Variants in BBS2 observed in about 807,000 individuals in gnomAD.
BBS2 encodes the protein BBSome complex member BBS2.
A neutral mutation model predicts 83.0 loss-of-function variants in BBS2; 62 were observed. That is an observed-to-expected ratio of 0.75 (90% CI 0.61 to 0.92). BBS2 has a LOEUF of 0.92. BBS2 is among the 40% of genes least tolerant of loss of function. The pLI, the probability that BBS2 is intolerant of heterozygous loss-of-function variation, is 0.00. For synonymous variants in BBS2, 303 were observed against 326.1 expected (o/e 0.93, Z 0.76); for missense variants, 784 against 901.0 (o/e 0.87, Z 1.66).
chr16:56,495,623 A>T (rs1964093765), intron 15 of BBS2, among the ~76,000 whole-genome samples: 1 of 152,240 alleles, frequency 6.6e-6, no homozygotes, highest in Admixed American at 6.5e-5. Context: ...GATTTGAGCA[A>T]GCCAACTTAA....
chr16:56,511,019 G>A, intron 3 of BBS2, 98 bp from the exon 4 acceptor site: 1 of 1,557,556 alleles, frequency 6.4e-7, no homozygotes, highest in South Asian at 1.1e-5. Flanking sequence ...AAACACGAAT[G>A]AATGCTATTC....
chr16:56,491,725 C>CAAAAAAA (rs773397021), intron 15 of BBS2, among the ~76,000 whole-genome samples: 34 of 43,140 alleles, frequency 7.9e-4, no homozygotes, highest in East Asian at 2.1e-3. Flanking sequence ...AACTCAACAG[C>CAAAAAAA]AAAAAAAAAA....
intron 7 of BBS2, among the ~76,000 whole-genome samples, chr16:56,503,737 G>A (rs1964345658): frequency 1.3e-5 from 2 of 152,158 alleles, no homozygotes; most frequent in African/African-American, 4.8e-5. Flanking sequence ...GGCTAACATG[G>A]TGAAACCCTG....
intron 12 of BBS2, 144 bp downstream of exon 12, chr16:56,499,634 A>G: frequency 8.7e-7 from 1 of 1,148,410 alleles, no homozygotes; most frequent in South Asian, 1.3e-5. Flanking sequence ...ACAGGTTACA[A>G]GCCACCCCCA....
chr16:56,483,542 T>G (rs1424363380), downstream of BBS2, among the ~76,000 whole-genome samples: 1 of 152,150 alleles, frequency 6.6e-6, no homozygotes, highest in African/African-American at 2.4e-5. Context: ...CCTTACATAA[T>G]AAATGAAAAA....
chr16:56,501,837 G>A, intron 9 of BBS2: 1 of 374,022 alleles, frequency 2.7e-6, no homozygotes, highest in Non-Finnish European at 5.0e-6. Flanking sequence ...ACAAATTAAA[G>A]GAATATTTCA....
At chr16:56,501,107 G>C in intron 10 of BBS2, 82 bp from the exon 11 acceptor site, 1 of 1,495,124 alleles carries the variant, frequency 6.7e-7, no homozygotes, top group Non-Finnish European at 9.3e-7. Context: ...TCAGGAGGTC[G>C]AGACCATCTT....
At chr16:56,476,381 C>T (rs1239677011) in intron 17 of BBS2, 9 of 446,424 alleles carry the variant, frequency 2.0e-5, no homozygotes, top group Non-Finnish European at 3.4e-5. Context: ...CTTGAGCTTG[C>T]AGCTAAGTAC....
At position 56,503,488 on chromosome 16, in the gene BBS2, C is replaced by T. The variant is rs138024876; in HGVS notation, c.805-680G>A. On this transcript the variant is annotated intron_variant, in intron 7 of 16. Coordinates refer to ENST00000245157, the MANE Select transcript of BBS2 (RefSeq NM_031885.5). ...AACCCTGTTAAGAGTTCCTCTTCCA[C>T]ATAAAAACTATTCAGATACTTTAGA... 1.4e-4 allele frequency among the ~76,000 whole-genome samples: 22 copies of T among 152,314 alleles called. 1 individual carries two copies. The East Asian group carries it at 4.2e-3, about 29-fold the overall frequency.
chr16:56,499,929 C>T (rs927143736), intron 11 of BBS2, 22 bp from the exon 12 acceptor site: 1 of 1,613,430 alleles, frequency 6.2e-7, no homozygotes, highest in Non-Finnish European at 8.5e-7. Context: ...CAATGAAACA[C>T]AAGAGAATTG....
intron 17 of BBS2, chr16:56,474,833 A>C (rs1239716012): frequency 6.2e-7 from 1 of 1,604,898 alleles, no homozygotes; most frequent in East Asian, 2.2e-5. Flanking sequence ...CTTAGAATCA[A>C]GTGTTCCCAT....
chr16:56,497,710 A>G (rs756786083), intron 14 of BBS2, 33 bp downstream of exon 14: 20 of 1,610,946 alleles, frequency 1.2e-5, no homozygotes, highest in Non-Finnish European at 1.7e-5. Flanking sequence ...AGACTACCAC[A>G]TTCTCACAAA....
chr16:56,491,154 G>A (rs78465716), intron 15 of BBS2, among the ~76,000 whole-genome samples: 6,422 of 152,202 alleles, frequency 0.042, 209 homozygotes, highest in East Asian at 0.15. Context: ...ACACGTAAGA[G>A]ATTAATATAC....
At chr16:56,519,664 G>T in intron 1 of BBS2, 82 bp downstream of exon 1, 3 of 1,157,368 alleles carry the variant, frequency 2.6e-6, no homozygotes, top group Non-Finnish European at 3.8e-6. Context: ...GGGTCGGAGA[G>T]GGGACGGGAT....
intron 7 of BBS2, among the ~76,000 whole-genome samples, chr16:56,505,289 G>A (rs1964392396): frequency 6.6e-6 from 1 of 152,208 alleles, no homozygotes; most frequent in African/African-American, 2.4e-5. Flanking sequence ...CCAAAGGAAT[G>A]CTTACAAGGT....
chr16:56,496,801 T>G (rs1176367195), intron 15 of BBS2, among the ~76,000 whole-genome samples, 166 bp downstream of exon 15: 1 of 152,248 alleles, frequency 6.6e-6, no homozygotes, highest in East Asian at 1.9e-4. Context: ...GGAATAGAAT[T>G]GCTGGGTCAT....
At chr16:56,501,555 T>C in intron 9 of BBS2, 58 bp from the exon 10 acceptor site, 1 of 1,606,786 alleles carries the variant, frequency 6.2e-7, no homozygotes, top group Non-Finnish European at 8.5e-7. Flanking sequence ...CTAATATCAA[T>C]TTTAAATAAT....
chr16:56,492,028 T>A (rs1963966106), intron 15 of BBS2, among the ~76,000 whole-genome samples: 1 of 151,664 alleles, frequency 6.6e-6, no homozygotes, highest in Non-Finnish European at 1.5e-5. Flanking sequence ...CATTTAAATA[T>A]TAAAAATTTA....
At chr16:56,511,329 C>A in intron 2 of BBS2, 45 bp from the exon 3 acceptor site, 1 of 1,610,510 alleles carries the variant, frequency 6.2e-7, no homozygotes, top group South Asian at 1.1e-5. Flanking sequence ...CGATAATATG[C>A]AGGCCCACAT....
Sources: gnomAD v4.1 joint callset for allele counts (sites outside exome capture counted in the v4.1 genomes callset) on GRCh38, gnomAD v4.1.1 for gene constraint, MANE v1.5 for transcripts, NCBI Gene and HGNC (gene_info 2026-07-23, HGNC 2026-07-21) for gene names.